CRIM1: variants seen among roughly 807,000 people sequenced by gnomAD.
CRIM1 encodes the protein cysteine-rich motor neuron 1 protein.
CRIM1 carries 32 observed loss-of-function variants against 116.4 expected under a neutral mutation model. The observed-to-expected ratio is 0.27, with a 90% confidence interval of 0.21 to 0.37. The LOEUF (loss-of-function observed/expected upper bound fraction) is 0.37, where lower values mean the gene tolerates loss of function less well. Ranked by LOEUF, CRIM1 falls within the 10% of genes least tolerant of loss-of-function variation. CRIM1 has a pLI of 1.00. For missense variants in CRIM1, 1,331 were observed against 1,354.8 expected, an observed-to-expected ratio of 0.98 and a Z score of 0.28; for synonymous variants, 590 against 509.2, an observed-to-expected ratio of 1.16 and a Z score of -2.13.
intron 14 of CRIM1, among the ~76,000 whole-genome samples, chr2:36,541,176 T>G (rs1014944764): frequency 4.6e-5 from 7 of 152,088 alleles, no homozygotes; most frequent in Admixed American, 2.0e-4. Context: ...ACCACCAAAG[T>G]TTCACGCTTC....
intron 7 of CRIM1, among the ~76,000 whole-genome samples, chr2:36,494,303 G>A (rs1348298743): frequency 6.6e-6 from 1 of 152,092 alleles, no homozygotes; most frequent in Non-Finnish European, 1.5e-5. Context: ...CAATAACAGT[G>A]TCTGAAGCTC....
In CRIM1 at chr2:36,499,449, C is replaced by T. The variant is rs1033286058; in HGVS notation, c.1501+102C>T. 11 of 1,227,768 alleles carry T rather than the reference C, an allele frequency of 9.0e-6. No homozygotes were observed. In the African/African-American group the frequency reaches 1.2e-4, roughly 14 times the overall value. 76.1% of individuals were successfully genotyped at this position (1,227,768 alleles called of 1,614,324 possible). On this transcript the variant is annotated intron_variant, in intron 8 of 16. Coordinates refer to ENST00000280527, the MANE Select transcript of CRIM1 (RefSeq NM_016441.3). ...CTTTTTCACTTCTGTTCAGACATTC[C>T]CTTGACAACCTGAAAAAAAGGGGAA... is the stretch of plus-strand genomic sequence containing the variant.
At chr2:36,366,667 G>T (rs1313337576) in intron 1 of CRIM1, among the ~76,000 whole-genome samples, 3 of 152,180 alleles carry the variant, frequency 2.0e-5, no homozygotes, top group Admixed American at 1.3e-4. Context: ...AGGAATTTCT[G>T]GCAGGGCAGA....
rs1679342873 is a variant in CRIM1, at chr2:36,480,695, C to T, written c.1372+1001C>T. Among the ~76,000 whole-genome samples the T allele has an allele frequency of 2.0e-5, 3 of 152,100 alleles. No homozygotes were observed. The South Asian group carries it at 6.2e-4, about 32-fold the overall frequency. ...CTGAGGGGCTAGACTTATTAAAGACCTTAAAAATCATATAAAAGTTTAAGC... is the reference window on the plus strand; with the variant it reads ...CTGAGGGGCTAGACTTATTAAAGACTTTAAAAATCATATAAAAGTTTAAGC... On this transcript the variant is annotated intron_variant, in intron 7 of 16. Coordinates refer to ENST00000280527, the MANE Select transcript of CRIM1 (RefSeq NM_016441.3).
chr2:36,468,072 G>A (rs961333812), intron 5 of CRIM1, among the ~76,000 whole-genome samples: 1 of 152,152 alleles, frequency 6.6e-6, no homozygotes, highest in Non-Finnish European at 1.5e-5. Flanking sequence ...TTGGAACATT[G>A]TTTCTCAATT....
intron 1 of CRIM1, among the ~76,000 whole-genome samples, chr2:36,370,315 A>G (rs879251072): frequency 6.6e-6 from 1 of 151,880 alleles, no homozygotes; most frequent in East Asian, 1.9e-4. Context: ...GAAATGGAAG[A>G]CCTCTGTAGG....
At position 36,356,335 on chromosome 2, in the gene CRIM1, C is replaced by A; in HGVS notation, c.43C>A (p.His15Asn). 2 of 1,583,802 alleles carry A rather than the reference C, an allele frequency of 1.3e-6. No homozygotes were observed. The highest frequency in any genetic ancestry group is 8.6e-7 in the Non-Finnish European group (1 of 1,167,796). ...GGACAGGGGGTTGGCCGGCTGCGGGCACCTCCTGGTCTCGCTGCTGGGGCT... is the reference window on the plus strand; with the variant it reads ...GGACAGGGGGTTGGCCGGCTGCGGGAACCTCCTGGTCTCGCTGCTGGGGCT... Reference protein sequence around the residue: ...AGDRGLAGCGHLLVSLLGLLL... With the variant: ...AGDRGLAGCGNLLVSLLGLLL... The change falls in exon 1 of 17, where the codon CAC becomes AAC. Residue 15 changes from histidine to asparagine, a missense_variant. His to Asn is a moderately conservative substitution (Grantham distance 68). This residue lies in a region of CRIM1 where 690 missense variants were observed against 676.0 expected (regional missense o/e 1.02). Coordinates refer to ENST00000280527, the MANE Select transcript of CRIM1 (RefSeq NM_016441.3). This position sits in a 1 kb window ranked among gnomAD's most constrained non-coding sequence, Gnocchi z 4.3.
chr2:36,508,642 T>G (rs1348427615), intron 8 of CRIM1, among the ~76,000 whole-genome samples: 1 of 152,236 alleles, frequency 6.6e-6, no homozygotes, highest in East Asian at 1.9e-4. Context: ...TTGATTGTCT[T>G]TCAAATTCTA....
rs1255219873 is a variant in CRIM1, at chr2:36,545,621, T to C, written c.2746+1123T>C. ...ATTAAAGACTGATAGTTGTTTCCGT[T>C]TTTGGCTTTGGCTGCTACAAAGCTC... On this transcript the variant is annotated intron_variant, in intron 15 of 16. Coordinates refer to ENST00000280527, the MANE Select transcript of CRIM1 (RefSeq NM_016441.3). Among the ~76,000 whole-genome samples the C allele has an allele frequency of 3.3e-5, 5 of 152,286 alleles. No individual in the cohort carries two copies. In the East Asian group the frequency reaches 9.7e-4, roughly 29 times the overall value.
chr2:36,485,844 A>G (rs1679779047), intron 7 of CRIM1, among the ~76,000 whole-genome samples: 1 of 152,224 alleles, frequency 6.6e-6, no homozygotes, highest in African/African-American at 2.4e-5. Context: ...AATATTCGTA[A>G]TAGCCTAAAG....
At chr2:36,528,917 T>G (rs1665933457) in intron 13 of CRIM1, among the ~76,000 whole-genome samples, 1 of 152,200 alleles carries the variant, frequency 6.6e-6, no homozygotes, top group Admixed American at 6.5e-5. Flanking sequence ...GCTGCTTCCA[T>G]AAGCAGCTTT....
At chr2:36,496,540 GGAAGGTAT>G (rs1446227217) in intron 7 of CRIM1, among the ~76,000 whole-genome samples, 1 of 152,172 alleles carries the variant, frequency 6.6e-6, no homozygotes, top group East Asian at 1.9e-4. Flanking sequence ...GTTGAGGCTT[GGAAGGTAT>G]CCCATGGGAC....
Position 36,495,487 on chromosome 2 carries a change from T to TA in CRIM1, c.1373-3732_1373-3731insA, listed in dbSNP as rs67640324. Among the ~76,000 whole-genome samples the TA allele has an allele frequency of 8.0e-4, 115 of 144,300 alleles. 1 individual carries two copies. The highest frequency in any genetic ancestry group is 2.8e-3 in the African/African-American group (103 of 36,312). The allele number at this position is 144,300 out of a possible 152,430, so 94.7% of individuals were successfully genotyped here. Reference sequence around the variant, plus strand: ...TATTTATTTATTTATTTTTTTTTTTTTTTTTTTTTGGATGAGAAACAGTCA... The same window carrying TA: ...TATTTATTTATTTATTTTTTTTTTTTATTTTTTTTTGGATGAGAAACAGTCA... On this transcript the variant is annotated intron_variant, in intron 7 of 16. Transcript: ENST00000280527.
rs146006669 is a variant in CRIM1, at chr2:36,382,403, T to C, written c.332-14211T>C. 7.9e-5 allele frequency among the ~76,000 whole-genome samples: 12 copies of C among 152,382 alleles called. No individual in the cohort carries two copies. The East Asian group carries it at 2.3e-3, about 29-fold the overall frequency. On this transcript the variant is annotated intron_variant, in intron 1 of 16. Transcript: ENST00000280527. ...CTGTGCAGCTGGAATCTCTCTGTGC[T>C]GAGTAAATTAACTTCTGTGCCCAGG... is the stretch of plus-strand genomic sequence containing the variant.
At chr2:36,503,521 A>G (rs573631804) in intron 8 of CRIM1, among the ~76,000 whole-genome samples, 65 of 152,218 alleles carry the variant, frequency 4.3e-4, no homozygotes, top group African/African-American at 1.5e-3. Flanking sequence ...CAACATGGAA[A>G]GCCCCCAGCG....
intron 2 of CRIM1, among the ~76,000 whole-genome samples, chr2:36,413,576 C>A (rs1018662931): frequency 2.6e-5 from 4 of 152,144 alleles, no homozygotes; most frequent in African/African-American, 7.2e-5. Context: ...AACCAACAAG[C>A]AGACAAACAG....
chr2:36,482,133 T>C (rs1289110170), intron 7 of CRIM1, among the ~76,000 whole-genome samples: 1 of 152,106 alleles, frequency 6.6e-6, no homozygotes, highest in Non-Finnish European at 1.5e-5. Context: ...CTGCTGGCCT[T>C]TTTTCCTCTC....
At chr2:36,367,869 C>G (rs1385093840) in intron 1 of CRIM1, among the ~76,000 whole-genome samples, 1 of 152,184 alleles carries the variant, frequency 6.6e-6, no homozygotes, top group Non-Finnish European at 1.5e-5. Flanking sequence ...TCAAACCTCT[C>G]TTATGTGTTT....
At chr2:36,525,685 T>C (rs1665709625) in intron 13 of CRIM1, among the ~76,000 whole-genome samples, 1 of 152,172 alleles carries the variant, frequency 6.6e-6, no homozygotes, top group Non-Finnish European at 1.5e-5. Flanking sequence ...ACAGACTATC[T>C]CACCCCAGCC....
Sources: allele counts gnomAD v4.1 joint callset (sites outside exome capture counted in the v4.1 genomes callset), GRCh38; gene constraint gnomAD v4.1.1; regional missense constraint gnomAD v4.1.1; non-coding constraint Gnocchi (gnomAD v3.1); transcripts MANE v1.5; gene names NCBI Gene and HGNC (gene_info 2026-07-23, HGNC 2026-07-21).